PDILT: variants seen among roughly 807,000 people sequenced by gnomAD.
PDILT encodes protein disulfide-isomerase-like protein of the testis.
A neutral mutation model predicts 53.7 loss-of-function variants in PDILT; 43 were observed. The observed-to-expected ratio is 0.80, with a 90% CI of 0.63 to 1.03. The LOEUF (loss-of-function observed/expected upper bound fraction) is 1.03, where lower values mean the gene tolerates loss of function less well. Among genes scored for constraint, PDILT ranks in the 50% least tolerant of loss-of-function variants. The pLI, the probability that PDILT is intolerant of heterozygous loss-of-function variation, is 0.00. For missense variants in PDILT, 727 were observed against 712.3 expected (o/e 1.02, Z -0.24); for synonymous variants, 282 against 274.2 (o/e 1.03, Z -0.28).
chr16:20,369,188 A>C (rs1966263875), intron 8 of PDILT, among the ~76,000 whole-genome samples: 1 of 152,248 alleles, frequency 6.6e-6, no homozygotes, highest in South Asian at 2.1e-4. Flanking sequence ...TGATAGGAGA[A>C]GAAGAGCCTC....
rs1465332346 is a variant in PDILT at position 20,359,343 on chromosome 16, TTTC to T, written c.1728_1730del (p.Lys577del). On this transcript the variant is annotated inframe_deletion, in exon 12 of 12. Transcript: ENST00000302451. Reference sequence around the variant, plus strand: ...GCTAAAGTTCTTCCTTGACTTTTGGTTTCTTCTTTTGCACTGGAGGTCCCTTTG... The same window carrying T: ...GCTAAAGTTCTTCCTTGACTTTTGGTTTCTTTTGCACTGGAGGTCCCTTTG... The T allele has an allele frequency of 3.1e-6, 5 of 1,613,930 alleles. No homozygotes were observed. Among genetic ancestry groups the T allele is most frequent in the Non-Finnish European group, 4.2e-6 (5 of 1,179,978 alleles).
At chr16:20,372,593 G>A (rs1966322505) in intron 7 of PDILT, among the ~76,000 whole-genome samples, 1 of 150,630 alleles carries the variant, frequency 6.6e-6, no homozygotes, top group Admixed American at 6.6e-5. Context: ...AAGAGACACT[G>A]GGCAGGAAGA....
At position 20,369,634 on chromosome 16, in the gene PDILT, T is replaced by C; in HGVS notation, c.974A>G (p.Tyr325Cys). 1 of 1,614,208 alleles carries C rather than the reference T, an allele frequency of 6.2e-7. No homozygotes were observed. The highest frequency in any genetic ancestry group is 2.2e-5 in the East Asian group (1 of 44,890). Residue 325 changes from tyrosine (Y) to cysteine (C), a missense_variant, in exon 8 of 12, where the codon TAC becomes TGC. Coordinates refer to ENST00000302451, the MANE Select transcript of PDILT (RefSeq NM_174924.2). ...DEPRNGRVFK[Y>C]FRVTEVDIPS... ...GATATCGACCTCTGTGACCCGGAAG[T>C]ACTTGAAGACACGTCCATTTCTGGG...
At chr16:20,360,760 G>T in intron 10 of PDILT, 103 bp from the exon 11 acceptor site, 2 of 816,574 alleles carry the variant, frequency 2.4e-6, no homozygotes, top group Non-Finnish European at 4.2e-6. Context: ...TAACAACCCC[G>T]GGTATGTTAT....
intron 7 of PDILT, among the ~76,000 whole-genome samples, chr16:20,371,671 T>C (rs796631556): frequency 7.9e-5 from 12 of 152,284 alleles, no homozygotes; most frequent in African/African-American, 2.9e-4. Flanking sequence ...GAACTTCATC[T>C]TCTGATGTAA....
chr16:20,392,776 A>C (rs1966620867), intron 2 of PDILT, among the ~76,000 whole-genome samples: 1 of 152,190 alleles, frequency 6.6e-6, no homozygotes, highest in Non-Finnish European at 1.5e-5. Context: ...GGTTGTGTCA[A>C]ATGCAATTCA....
chr16:20,377,446 T>C (rs1014511844), intron 3 of PDILT, among the ~76,000 whole-genome samples: 1 of 152,160 alleles, frequency 6.6e-6, no homozygotes, highest in African/African-American at 2.4e-5. Flanking sequence ...CCTGGAGATA[T>C]AAGGATGAAC....
At chr16:20,363,599 CAGA>C (rs1471890557) in intron 9 of PDILT, among the ~76,000 whole-genome samples, 1 of 151,958 alleles carries the variant, frequency 6.6e-6, no homozygotes, top group Non-Finnish European at 1.5e-5. Context: ...AGTAATTAAG[CAGA>C]AGAAGTGGGG....
intron 10 of PDILT, 26 bp from the exon 11 acceptor site, chr16:20,360,683 G>A: frequency 2.6e-6 from 4 of 1,531,050 alleles, no homozygotes; most frequent in Non-Finnish European, 3.6e-6. Context: ...AACAGGGTCA[G>A]GATGGGATCC....
At chr16:20,385,041 A>G (rs1455104052) in intron 2 of PDILT, among the ~76,000 whole-genome samples, 190 bp from the exon 3 acceptor site, 1 of 152,230 alleles carries the variant, frequency 6.6e-6, no homozygotes, top group African/African-American at 2.4e-5. Flanking sequence ...GGAGATGTCT[A>G]TCAAGGTTCT....
chr16:20,359,715 A>G (rs1217155573), intron 11 of PDILT, 148 bp from the exon 12 acceptor site: 1 of 830,016 alleles, frequency 1.2e-6, no homozygotes, highest in Non-Finnish European at 1.8e-6. Flanking sequence ...TTTGGACTGC[A>G]GGGTTTTCAC....
At chr16:20,379,416 T>G (rs1966429929) in intron 3 of PDILT, among the ~76,000 whole-genome samples, 1 of 152,160 alleles carries the variant, frequency 6.6e-6, no homozygotes, top group South Asian at 2.1e-4. Context: ...TCCTCCCGCC[T>G]CAGCCTCCCA....
intron 5 of PDILT, among the ~76,000 whole-genome samples, chr16:20,373,508 G>T (rs1966337476): frequency 6.6e-6 from 1 of 152,206 alleles, no homozygotes. Flanking sequence ...AGTCCCAGGA[G>T]ATTCAGGACT....
chr16:20,366,969 TTC>T (rs1966203278), intron 8 of PDILT, among the ~76,000 whole-genome samples: 1 of 144,968 alleles, frequency 6.9e-6, no homozygotes. Context: ...CCTTCCTTCC[TTC>T]CTTCCTTCCT....
intron 1 of PDILT, among the ~76,000 whole-genome samples, chr16:20,400,873 C>T (rs1966731876): frequency 6.6e-6 from 1 of 152,102 alleles, no homozygotes; most frequent in African/African-American, 2.4e-5. Flanking sequence ...TAATGAAATG[C>T]ACAATAATGT....
chr16:20,403,003 C>G lies in PDILT; in HGVS notation c.-8+1493G>C, dbSNP rs186758437. On this transcript the variant is annotated intron_variant, in intron 1 of 11. Coordinates refer to ENST00000302451, the MANE Select transcript of PDILT (RefSeq NM_174924.2). ...CAGCTCCAACATCAGCTCCCTACCC[C>G]CTACTCAGAGGAGAGTGGCTGTCAT... Among the ~76,000 whole-genome samples, 134 of 152,344 alleles carry G rather than the reference C, an allele frequency of 8.8e-4. 1 individual carries two copies. The highest frequency in any genetic ancestry group is 3.0e-3 in the African/African-American group (125 of 41,588).
rs149494288 is a variant in PDILT at position 20,376,090 on chromosome 16, A to G, written c.521T>C (p.Leu174Ser). 6.2e-6 allele frequency: 10 copies of G among 1,613,984 alleles called. No homozygotes were observed. Among genetic ancestry groups the G allele is most frequent in the African/African-American group, 1.3e-5 (1 of 74,898 alleles). Reference protein sequence around the residue: ...QVAEFVISRPLVIVGFFQDLE... With the variant: ...QVAEFVISRPSVIVGFFQDLE... ...TACCTGGAAGAAGCCAACGATGACC[A>G]AGGGCCTGGATATCACAAACTCTGC... The change falls in exon 4 of 12, where the codon TTG (leucine) becomes TCG (serine). Residue 174 changes from leucine to serine, a missense_variant. By Grantham distance (145) the Leu-to-Ser change is moderately radical (BLOSUM62 -2). Coordinates refer to ENST00000302451, the MANE Select transcript of PDILT (RefSeq NM_174924.2).
intron 1 of PDILT, 88 bp from the exon 2 acceptor site, chr16:20,399,395 C>G: frequency 7.1e-7 from 1 of 1,406,836 alleles, no homozygotes; most frequent in Non-Finnish European, 9.8e-7. Flanking sequence ...TCCAGCTGGT[C>G]CATGTAGGGT....
intron 8 of PDILT, among the ~76,000 whole-genome samples, chr16:20,368,010 G>C (rs939228853): frequency 6.6e-6 from 1 of 152,176 alleles, no homozygotes; most frequent in South Asian, 2.1e-4. Context: ...ATGATGGAAT[G>C]CAAGTTCACA....
Sources: gnomAD v4.1 joint callset for allele counts (sites outside exome capture counted in the v4.1 genomes callset) on GRCh38, gnomAD v4.1.1 for gene constraint, MANE v1.5 for transcripts, NCBI Gene and HGNC (gene_info 2026-07-23, HGNC 2026-07-21) for gene names.